The following CHST9 variants were observed in gnomAD, a reference collection of about 807,000 sequenced individuals.
CHST9 encodes the protein GalNAc-4-sulfotransferase 2.
Under a neutral mutation model 44.4 loss-of-function variants are expected in CHST9, and 41 were observed. That is an observed-to-expected ratio of 0.92 (90% CI 0.72 to 1.20). The LOEUF (loss-of-function observed/expected upper bound fraction) is 1.20. Ranked by LOEUF, CHST9 falls within the 50% of genes most tolerant of loss-of-function variation. The pLI is 0.00. For synonymous variants in CHST9, 171 were observed against 178.4 expected, an observed-to-expected ratio of 0.96 and a Z score of 0.33; for missense variants, 504 against 516.5, an observed-to-expected ratio of 0.98 and a Z score of 0.23.
intron 5 of CHST9, chr18:26,930,672 C>T (rs1175264647): frequency 6.5e-6 from 1 of 153,690 alleles, no homozygotes; most frequent in Non-Finnish European, 1.5e-5. Context: ...TTTGTGAGGG[C>T]AAGTATAGGT....
intron 1 of CHST9, among the ~76,000 whole-genome samples, chr18:27,159,128 T>A (rs949702491): frequency 6.6e-6 from 1 of 152,184 alleles, no homozygotes. Context: ...ATCCCATTTG[T>A]CAATTTTGGC....
intron 2 of CHST9, among the ~76,000 whole-genome samples, chr18:27,137,692 G>A (rs2058527815): frequency 2.0e-5 from 3 of 152,206 alleles, no homozygotes; most frequent in Non-Finnish European, 2.9e-5. Flanking sequence ...TTTAAAAAAC[G>A]GGTGGATTCA....
At chr18:27,072,205 T>C (rs560195689) in intron 2 of CHST9, among the ~76,000 whole-genome samples, 1 of 152,358 alleles carries the variant, frequency 6.6e-6, no homozygotes, top group South Asian at 2.1e-4. Context: ...TGGATTTCAA[T>C]GCACCAGCCT....
chr18:27,108,057 T>C (rs1266336677), intron 2 of CHST9, among the ~76,000 whole-genome samples: 1 of 152,194 alleles, frequency 6.6e-6, no homozygotes, highest in Non-Finnish European at 1.5e-5. Context: ...AACTTCCTAA[T>C]GTCAACAATC....
At chr18:27,022,828 T>C (rs887226716) in intron 4 of CHST9, among the ~76,000 whole-genome samples, 1 of 152,240 alleles carries the variant, frequency 6.6e-6, no homozygotes, top group African/African-American at 2.4e-5. Flanking sequence ...GGATAACACA[T>C]TGCTTATCAC....
chr18:27,004,746 A>G (rs1704658739), intron 4 of CHST9, among the ~76,000 whole-genome samples: 1 of 152,176 alleles, frequency 6.6e-6, no homozygotes, highest in South Asian at 2.1e-4. Flanking sequence ...ACTTTCGATC[A>G]ATTTATTTTA....
intron 2 of CHST9, among the ~76,000 whole-genome samples, chr18:27,074,651 G>A (rs2057880100): frequency 6.6e-6 from 1 of 151,968 alleles, no homozygotes; most frequent in East Asian, 1.9e-4. Flanking sequence ...GGTTGCGGGG[G>A]TTTGATGTTG....
At chr18:26,998,944 G>A (rs976052615) in intron 4 of CHST9, among the ~76,000 whole-genome samples, 8 of 152,226 alleles carry the variant, frequency 5.3e-5, no homozygotes, top group African/African-American at 1.4e-4. Flanking sequence ...CCATGGCACC[G>A]ATGGGTTTTT....
chr18:27,161,035 A>G (rs1382697963), intron 1 of CHST9, among the ~76,000 whole-genome samples: 1 of 151,968 alleles, frequency 6.6e-6, no homozygotes, highest in East Asian at 1.9e-4. Flanking sequence ...CCGTCTATCA[A>G]TTTTGTTGAT....
intron 3 of CHST9, among the ~76,000 whole-genome samples, chr18:27,039,230 G>A (rs1454772836): frequency 6.6e-6 from 1 of 152,178 alleles, no homozygotes; most frequent in Non-Finnish European, 1.5e-5. Flanking sequence ...CATGTTCACA[G>A]CAGCATAATT....
intron 2 of CHST9, among the ~76,000 whole-genome samples, chr18:27,127,955 T>C (rs576499962): frequency 3.3e-4 from 50 of 152,222 alleles, no homozygotes; most frequent in African/African-American, 6.0e-4. Context: ...TGCAGTGACA[T>C]GGGGAGGAGA....
chr18:26,988,424 A>G (rs1386158319), intron 4 of CHST9, among the ~76,000 whole-genome samples: 1 of 152,190 alleles, frequency 6.6e-6, no homozygotes, highest in East Asian at 1.9e-4. Context: ...AGTAATATTC[A>G]AAGCAAAGAA....
At chr18:26,962,833 A>C (rs1473180696) in intron 4 of CHST9, among the ~76,000 whole-genome samples, 1 of 152,106 alleles carries the variant, frequency 6.6e-6, no homozygotes, top group African/African-American at 2.4e-5. Flanking sequence ...ATAAATGGGG[A>C]GAAAACTGGC....
At chr18:27,139,063 A>T (rs2058541531) in intron 2 of CHST9, among the ~76,000 whole-genome samples, 1 of 152,164 alleles carries the variant, frequency 6.6e-6, no homozygotes, top group Non-Finnish European at 1.5e-5. Flanking sequence ...CTTCCAAAAA[A>T]ATCTGTTTTC....
intron 4 of CHST9, among the ~76,000 whole-genome samples, chr18:26,985,155 A>G (rs1362573697): frequency 1.3e-5 from 2 of 152,240 alleles, no homozygotes; most frequent in African/African-American, 4.8e-5. Context: ...AGAAAACCAC[A>G]GAGCAACAAG....
intron 2 of CHST9, among the ~76,000 whole-genome samples, chr18:27,053,136 A>AGAAGAG (rs745989655): frequency 0.06 from 5,476 of 91,898 alleles, 329 homozygotes; most frequent in Non-Finnish European, 0.077. Context: ...AAGAGGAAGA[A>AGAAGAG]GAAGAAGAAG....
chr18:27,175,836 T>G (rs1012422208), intron 1 of CHST9, among the ~76,000 whole-genome samples: 2 of 152,046 alleles, frequency 1.3e-5, no homozygotes, highest in African/African-American at 4.8e-5. Flanking sequence ...AGCGGTTAAT[T>G]AAATAATTAT....
intron 4 of CHST9, among the ~76,000 whole-genome samples, chr18:26,983,368 A>C (rs2145194882): frequency 6.6e-6 from 1 of 152,294 alleles, no homozygotes; most frequent in Non-Finnish European, 1.5e-5. Flanking sequence ...GGATCCCCTC[A>C]TGGCTTGGTG....
At chr18:27,161,601 G>A (rs1434330548) in intron 1 of CHST9, among the ~76,000 whole-genome samples, 1 of 152,184 alleles carries the variant, frequency 6.6e-6, no homozygotes, top group Non-Finnish European at 1.5e-5. Context: ...ATTTGGGGTG[G>A]AGAGTTCTGT....
Sources: gnomAD v4.1 joint callset for allele counts (sites outside exome capture counted in the v4.1 genomes callset) on GRCh38, gnomAD v4.1.1 for gene constraint, MANE v1.5 for transcripts, NCBI Gene and HGNC (gene_info 2026-07-23, HGNC 2026-07-21) for gene names.